ARHGAP26: variants seen among roughly 807,000 people sequenced by gnomAD.
The protein encoded by ARHGAP26 is rho GTPase-activating protein 26.
In ARHGAP26, 38 loss-of-function variants were observed where a neutral mutation model predicts 104.8. The ratio of observed to expected loss-of-function variants is 0.36; its 90% CI spans 0.28 to 0.48. The LOEUF (loss-of-function observed/expected upper bound fraction) is 0.48, where lower values mean the gene tolerates loss of function less well. Ranked by LOEUF, ARHGAP26 falls within the 20% of genes least tolerant of loss-of-function variation. The pLI is 0.99. For synonymous variants in ARHGAP26, 341 were observed against 340.0 expected (o/e 1.00, Z -0.03); for missense variants, 704 against 947.9 (o/e 0.74, Z 3.38).
intron 20 of ARHGAP26, among the ~76,000 whole-genome samples, chr5:143,171,037 A>G (rs1216987538): frequency 3.3e-5 from 5 of 152,218 alleles, no homozygotes; most frequent in Non-Finnish European, 7.3e-5. Context: ...AGAGGGGAAA[A>G]AAGAGCAGGA....
chr5:142,868,273 G>A (rs964100342), intron 1 of ARHGAP26, among the ~76,000 whole-genome samples: 15 of 152,162 alleles, frequency 9.9e-5, no homozygotes, highest in African/African-American at 1.9e-4. Flanking sequence ...GGCATGCCCC[G>A]GGAACTGGCA....
At chr5:143,022,205 G>C (rs560191813) in intron 12 of ARHGAP26, among the ~76,000 whole-genome samples, 1 of 152,198 alleles carries the variant, frequency 6.6e-6, no homozygotes, top group South Asian at 2.1e-4. Context: ...CCTAGTAGCT[G>C]GGATTACAGG....
At chr5:143,019,507 TC>T (rs1780040088) in intron 12 of ARHGAP26, among the ~76,000 whole-genome samples, 1 of 152,160 alleles carries the variant, frequency 6.6e-6, no homozygotes, top group Non-Finnish European at 1.5e-5. Context: ...TAAAATTTAC[TC>T]CCCAAAGACT....
intron 13 of ARHGAP26, among the ~76,000 whole-genome samples, chr5:143,037,676 C>T (rs1224015970): frequency 6.6e-6 from 1 of 152,142 alleles, no homozygotes; most frequent in Non-Finnish European, 1.5e-5. Context: ...ATGAAAATAT[C>T]TGTGATTTCT....
chr5:143,102,156 T>G (rs1008922794), intron 17 of ARHGAP26, among the ~76,000 whole-genome samples: 1 of 152,162 alleles, frequency 6.6e-6, no homozygotes, highest in African/African-American at 2.4e-5. Context: ...GGACCCTCTC[T>G]ACATCTCACA....
At chr5:143,092,226 C>CGATCTCG (rs1329395824) in intron 17 of ARHGAP26, among the ~76,000 whole-genome samples, 21 of 146,312 alleles carry the variant, frequency 1.4e-4, no homozygotes, top group African/African-American at 5.3e-4. Flanking sequence ...TGCAGTGGCA[C>CGATCTCG]GATCTCGGCT....
chr5:143,089,560 C>G (rs151121130), intron 17 of ARHGAP26, among the ~76,000 whole-genome samples: 11 of 152,308 alleles, frequency 7.2e-5, no homozygotes, highest in Admixed American at 2.6e-4. Flanking sequence ...AACTCTTCCT[C>G]TTTTTGCTAC....
intron 18 of ARHGAP26, among the ~76,000 whole-genome samples, chr5:143,130,780 A>T (rs1797243724): frequency 6.6e-6 from 1 of 152,210 alleles, no homozygotes; most frequent in African/African-American, 2.4e-5. Flanking sequence ...GAGTTAAATA[A>T]ACAACAGTCA....
At chr5:142,901,605 G>A (rs1401175599) in intron 6 of ARHGAP26, among the ~76,000 whole-genome samples, 2 of 152,224 alleles carry the variant, frequency 1.3e-5, no homozygotes, top group Admixed American at 1.3e-4. Flanking sequence ...CACAGGGCAA[G>A]GGCATGGGTG....
chr5:142,863,026 A>T (rs1753639842), intron 1 of ARHGAP26, among the ~76,000 whole-genome samples: 1 of 152,180 alleles, frequency 6.6e-6, no homozygotes, highest in South Asian at 2.1e-4. Flanking sequence ...TCACCATTAA[A>T]AATAAAAGGC....
intron 11 of ARHGAP26, among the ~76,000 whole-genome samples, chr5:142,980,311 G>A (rs770128887): frequency 2.0e-5 from 3 of 151,812 alleles, no homozygotes; most frequent in Non-Finnish European, 4.4e-5. Context: ...ACAATGGATT[G>A]TTTGTAAATT....
At chr5:143,116,413 A>G (rs1263841240) in intron 17 of ARHGAP26, among the ~76,000 whole-genome samples, 1 of 152,158 alleles carries the variant, frequency 6.6e-6, no homozygotes. Context: ...ACATTTTTCA[A>G]CATAACACTC....
chr5:143,122,513 CACA>C (rs558308496), intron 18 of ARHGAP26, among the ~76,000 whole-genome samples: 158 of 152,310 alleles, frequency 1.0e-3, no homozygotes, highest in African/African-American at 3.2e-3. Context: ...AAGACAAAAT[CACA>C]ACAAGTTTAG....
chr5:143,120,875 G>C (rs1796047363), intron 17 of ARHGAP26, 113 bp from the exon 18 acceptor site: 1 of 1,060,270 alleles, frequency 9.4e-7, no homozygotes, highest in Admixed American at 2.7e-5. Flanking sequence ...CCCAAGTTCT[G>C]GCTCCTACAG....
chr5:142,886,888 A>G (rs1158600144), intron 5 of ARHGAP26, among the ~76,000 whole-genome samples: 1 of 152,210 alleles, frequency 6.6e-6, no homozygotes, highest in East Asian at 1.9e-4. Flanking sequence ...ATCACTTGGC[A>G]TTTAGGATTT....
In ARHGAP26 at chr5:143,214,106, T is replaced by A; in HGVS notation, c.2191+18T>A. On this transcript the variant is annotated intron_variant, in intron 22 of 22. Coordinates refer to ENST00000645722, the MANE Select transcript of ARHGAP26 (RefSeq NM_001135608.3). ...CGATAACGGTGAGTTTCTCATCCCC[T>A]CACAAAGATATGGGCGGGGGGCGGG... is the stretch of plus-strand genomic sequence containing the variant. 2 of 534,578 alleles carry A rather than the reference T, an allele frequency of 3.7e-6. No individual in the cohort carries two copies. The highest frequency in any genetic ancestry group is 6.7e-6 in the Non-Finnish European group (2 of 300,256). The allele number at this position is 534,578 out of a possible 1,614,324, so 33.1% of individuals were successfully genotyped here.
intron 17 of ARHGAP26, among the ~76,000 whole-genome samples, chr5:143,106,575 C>T (rs990652638): frequency 7.1e-6 from 1 of 140,316 alleles, no homozygotes; most frequent in Non-Finnish European, 1.5e-5. Flanking sequence ...CGGGTTCAGG[C>T]GATTCTCCTG....
chr5:143,011,227 TC>T (rs1778678491), intron 11 of ARHGAP26, among the ~76,000 whole-genome samples: 1 of 150,714 alleles, frequency 6.6e-6, no homozygotes, highest in African/African-American at 2.4e-5. Context: ...GAGGTACCCC[TC>T]ATCATTCAGG....
intron 11 of ARHGAP26, among the ~76,000 whole-genome samples, chr5:142,966,152 G>C (rs1380101603): frequency 6.6e-6 from 1 of 152,144 alleles, no homozygotes; most frequent in Non-Finnish European, 1.5e-5. Flanking sequence ...CTTTCTGTTT[G>C]TAAGGTCTCA....
Sources: gnomAD v4.1 joint callset for allele counts (sites outside exome capture counted in the v4.1 genomes callset) on GRCh38, gnomAD v4.1.1 for gene constraint, MANE v1.5 for transcripts, NCBI Gene and HGNC (gene_info 2026-07-23, HGNC 2026-07-21) for gene names.